The following FAF1 variants were observed in gnomAD, a reference collection of about 807,000 sequenced individuals.
FAF1 encodes FAS-associated factor 1.
In FAF1, 25 loss-of-function variants were observed where a neutral mutation model predicts 92.5. The ratio of observed to expected loss-of-function variants is 0.27; its 90% confidence interval spans 0.20 to 0.38. FAF1 has a LOEUF of 0.38. FAF1 is among the 10% of genes least tolerant of loss of function. The pLI, the probability that FAF1 is intolerant of heterozygous loss-of-function variation, is 1.00. For missense variants in FAF1, 636 were observed against 793.3 expected (o/e 0.80, Z 2.38); for synonymous variants, 234 against 273.2 (o/e 0.86, Z 1.42).
intron 1 of FAF1, among the ~76,000 whole-genome samples, chr1:50,931,172 T>C (rs927892902): frequency 3.3e-5 from 5 of 152,244 alleles, no homozygotes; most frequent in Admixed American, 6.5e-5. Flanking sequence ...TAATTACTGA[T>C]ATGGCAGTAG....
intron 1 of FAF1, among the ~76,000 whole-genome samples, chr1:50,933,990 G>A (rs1005463286): frequency 2.0e-5 from 3 of 152,196 alleles, no homozygotes; most frequent in Non-Finnish European, 4.4e-5. Flanking sequence ...CCCACAACAC[G>A]TGGGACTTCT....
intron 1 of FAF1, among the ~76,000 whole-genome samples, chr1:50,882,646 A>AAATG (rs1644622615): frequency 6.9e-6 from 1 of 144,598 alleles, no homozygotes; most frequent in African/African-American, 2.6e-5. Context: ...ATAAATAAAT[A>AAATG]AATGTGTATG....
chr1:50,695,205 C>T (rs1310335394), intron 7 of FAF1, among the ~76,000 whole-genome samples: 2 of 151,962 alleles, frequency 1.3e-5, no homozygotes, highest in African/African-American at 4.8e-5. Flanking sequence ...GTCAGGAGTT[C>T]GAGACCAACC....
At chr1:50,497,638 C>T (rs1419294672) in intron 15 of FAF1, among the ~76,000 whole-genome samples, 1 of 146,852 alleles carries the variant, frequency 6.8e-6, no homozygotes, top group South Asian at 2.2e-4. Context: ...AACCTCCACC[C>T]CCCCAGGTTT....
intron 1 of FAF1, among the ~76,000 whole-genome samples, chr1:50,938,878 A>G (rs956322582): frequency 1.3e-5 from 2 of 152,144 alleles, no homozygotes; most frequent in African/African-American, 2.4e-5. Context: ...CAGTTGTAGA[A>G]GTGCAACTTT....
chr1:50,554,981 T>A (rs1172269161), intron 13 of FAF1, among the ~76,000 whole-genome samples: 1 of 152,034 alleles, frequency 6.6e-6, no homozygotes, highest in Middle Eastern at 3.2e-3. Flanking sequence ...AGAAAACAGT[T>A]GTAATGAAAA....
chr1:50,773,694 G>A lies in FAF1; in HGVS notation c.367+14306C>T, dbSNP rs571878028. On this transcript the variant is annotated intron_variant, in intron 4 of 18. Coordinates refer to ENST00000396153, the MANE Select transcript of FAF1 (RefSeq NM_007051.3). ...GAGGCAAAGGCATACAGTGAGCTCC[G>A]TGGATAAAGAGAAAATATCAATCAG... is the stretch of plus-strand genomic sequence containing the variant. Among the ~76,000 whole-genome samples the A allele has an allele frequency of 4.6e-5, 7 of 152,274 alleles. No homozygotes were observed. In the South Asian group the frequency reaches 6.2e-4, roughly 14 times the overall value.
intron 13 of FAF1, among the ~76,000 whole-genome samples, chr1:50,553,565 A>G (rs1649411626): frequency 6.6e-6 from 1 of 152,212 alleles, no homozygotes; most frequent in Non-Finnish European, 1.5e-5. Context: ...TGAGTTCAAC[A>G]GAAGCCCACA....
intron 15 of FAF1, among the ~76,000 whole-genome samples, chr1:50,494,834 T>C (rs569091153): frequency 6.6e-6 from 1 of 152,340 alleles, no homozygotes; most frequent in East Asian, 1.9e-4. Context: ...TTATCAGTGC[T>C]CAACAGTTAT....
In FAF1 at chr1:50,788,063, C is replaced by T. The variant is rs764287331; in HGVS notation, c.304G>A (p.Asp102Asn). Reference sequence around the variant, plus strand: ...CTGTCTCTGTATTCAACCCTGAAGTCCAGCATCCGAGGTTGCCTTTCTACA... The same window carrying T: ...CTGTCTCTGTATTCAACCCTGAAGTTCAGCATCCGAGGTTGCCTTTCTACA... The part of the protein sequence containing the change: ...QIVERQPRML[D>N]FRVEYRDRNV... Residue 102 changes from aspartate to asparagine, a missense_variant, in exon 4 of 19, where the codon GAC (aspartate) becomes AAC (asparagine). By Grantham distance (23) the Asp-to-Asn change is conservative. Transcript: ENST00000396153. 2.5e-6 allele frequency: 4 copies of T among 1,614,138 alleles called. No individual in the cohort carries two copies. The highest frequency in any genetic ancestry group is 2.2e-5 in the South Asian group (2 of 91,082).
At chr1:50,742,821 C>T (rs1436906480) in intron 5 of FAF1, among the ~76,000 whole-genome samples, 1 of 152,184 alleles carries the variant, frequency 6.6e-6, no homozygotes, top group Non-Finnish European at 1.5e-5. Flanking sequence ...ATCCATGCAT[C>T]AGCAGCAGCG....
chr1:50,928,333 T>C (rs546375226), intron 1 of FAF1, among the ~76,000 whole-genome samples: 62 of 152,334 alleles, frequency 4.1e-4, no homozygotes, highest in Non-Finnish European at 4.4e-5. Context: ...CTTGAGTATA[T>C]GGAGAAAAGA....
At chr1:50,894,215 C>T (rs1382727650) in intron 1 of FAF1, among the ~76,000 whole-genome samples, 2 of 148,684 alleles carry the variant, frequency 1.3e-5, no homozygotes, top group East Asian at 4.1e-4. Context: ...ATGAGAATTG[C>T]TTGAACCCAG....
intron 4 of FAF1, among the ~76,000 whole-genome samples, chr1:50,774,337 G>C (rs1016521912): frequency 2.6e-5 from 4 of 152,164 alleles, no homozygotes; most frequent in Non-Finnish European, 5.9e-5. Flanking sequence ...TGAGGCATGT[G>C]GGGGAGGGAT....
chr1:50,747,174 G>A lies in FAF1; in HGVS notation c.368-2399C>T, dbSNP rs549680328. ...TGCCTGGTGGAGCTGTGAGAAGAAG[G>A]CCACCATCATCCAGACCCTGGAATG... On this transcript the variant is annotated intron_variant, in intron 4 of 18. Transcript: ENST00000396153. Among the ~76,000 whole-genome samples, 13 of 152,244 alleles carry A rather than the reference G, an allele frequency of 8.5e-5. No individual in the cohort carries two copies. In the South Asian group the frequency reaches 2.7e-3, roughly 32 times the overall value.
Position 50,474,720 on chromosome 1 carries a change from G to C in FAF1, c.1869+744C>G, listed in dbSNP as rs977680300. Among the ~76,000 whole-genome samples, 3 of 152,130 alleles carry C rather than the reference G, an allele frequency of 2.0e-5. No individual in the cohort carries two copies. In the South Asian group the frequency reaches 6.2e-4, roughly 32 times the overall value. ...TGAAATTTCTGCAGCTTCATTTTGT[G>C]TAAGTTTCAGTATTTTAAGTTTTTC... is the stretch of plus-strand genomic sequence containing the variant. On this transcript the variant is annotated intron_variant, in intron 18 of 18. Transcript: ENST00000396153.
At chr1:50,613,513 T>A (rs1029226927) in intron 8 of FAF1, among the ~76,000 whole-genome samples, 5 of 152,204 alleles carry the variant, frequency 3.3e-5, no homozygotes, top group African/African-American at 1.2e-4. Flanking sequence ...AATCCAAATG[T>A]CATTCAGCTC....
At chr1:50,929,742 C>A (rs1369236902) in intron 1 of FAF1, among the ~76,000 whole-genome samples, 1 of 152,096 alleles carries the variant, frequency 6.6e-6, no homozygotes, top group African/African-American at 2.4e-5. Flanking sequence ...GTGGCTCCTG[C>A]CCCCACGATT....
At position 50,884,271 on chromosome 1, in the gene FAF1, T is replaced by C. The variant is rs1644638359; in HGVS notation, c.46-26274A>G. Among the ~76,000 whole-genome samples, 4 of 152,030 alleles carry C rather than the reference T, an allele frequency of 2.6e-5. No homozygotes were observed. In the South Asian group the frequency reaches 8.3e-4, roughly 32 times the overall value. Reference sequence around the variant, plus strand: ...GACTCAAGCCTGTAATCCCAGCACTTTGGGAGGCCGAGGCGGATGGATCAC... The same window carrying C: ...GACTCAAGCCTGTAATCCCAGCACTCTGGGAGGCCGAGGCGGATGGATCAC... On this transcript the variant is annotated intron_variant, in intron 1 of 18. Transcript: ENST00000396153.
Sources: gnomAD v4.1 joint callset for allele counts (sites outside exome capture counted in the v4.1 genomes callset) on GRCh38, gnomAD v4.1.1 for gene constraint, MANE v1.5 for transcripts, NCBI Gene and HGNC (gene_info 2026-07-23, HGNC 2026-07-21) for gene names.